KAZN: variants seen among roughly 807,000 people sequenced by gnomAD.
KAZN encodes kazrin.
KAZN carries 40 observed loss-of-function variants against 87.4 expected under a neutral mutation model. That is an observed-to-expected ratio of 0.46 (90% CI 0.36 to 0.60). KAZN has a LOEUF of 0.60. Ranked by LOEUF, KAZN falls within the 20% of genes least tolerant of loss-of-function variation. The pLI is 0.00. For synonymous variants in KAZN, 466 were observed against 458.3 expected (o/e 1.02, Z -0.22); for missense variants, 898 against 1,073.9 (o/e 0.84, Z 2.29).
intron 2 of KAZN, among the ~76,000 whole-genome samples, chr1:14,587,394 C>T (rs1675918678): frequency 6.6e-6 from 1 of 150,964 alleles, no homozygotes. Flanking sequence ...CGAGATTGTG[C>T]CACTGCACTC....
chr1:14,509,630 G>A lies in KAZN; in HGVS notation c.250-89353G>A, dbSNP rs546752665. ...CATTCTCTCATTCACAAATGATTCC[G>A]TGAGCTTGCATCACACGCCAGGCCT... On this transcript the variant is annotated intron_variant, in intron 2 of 16. Coordinates refer to the KAZN transcript ENST00000636203. 5.9e-5 allele frequency among the ~76,000 whole-genome samples: 9 copies of A among 152,256 alleles called. No individual in the cohort carries two copies. In the East Asian group the frequency reaches 9.7e-4, roughly 16 times the overall value.
chr1:14,039,448 G>C (rs1309204743), intron 1 of KAZN, among the ~76,000 whole-genome samples: 3 of 152,134 alleles, frequency 2.0e-5, no homozygotes, highest in African/African-American at 7.2e-5. Context: ...TGGGACTTGG[G>C]GTTAAGTTCT....
intron 1 of KAZN, among the ~76,000 whole-genome samples, chr1:13,898,593 A>C (rs1424360463): frequency 1.3e-5 from 2 of 152,248 alleles, no homozygotes; most frequent in Non-Finnish European, 2.9e-5. Context: ...AGATGAGGAC[A>C]GGAAGGTGAC....
At chr1:13,951,716 G>A (rs1276581466) in intron 1 of KAZN, among the ~76,000 whole-genome samples, 3 of 151,990 alleles carry the variant, frequency 2.0e-5, no homozygotes, top group Non-Finnish European at 4.4e-5. Flanking sequence ...GAAACAGAAT[G>A]GCCAGCACAG....
intron 1 of KAZN, among the ~76,000 whole-genome samples, chr1:14,677,065 T>A (rs140701787): frequency 6.6e-6 from 1 of 152,330 alleles, no homozygotes; most frequent in African/African-American, 2.4e-5. Context: ...CTTCATATTC[T>A]AGCATTTATT....
intron 1 of KAZN, among the ~76,000 whole-genome samples, chr1:14,655,313 A>G (rs1224733770): frequency 6.6e-6 from 1 of 152,200 alleles, no homozygotes; most frequent in Non-Finnish European, 1.5e-5. Context: ...CTGTCCACCA[A>G]CAGACCACAG....
rs368623218 is a variant in KAZN at position 15,012,045 on chromosome 1, C to T, written c.419-22704C>T. On this transcript the variant is annotated intron_variant, in intron 2 of 14. Coordinates refer to ENST00000376030, the MANE Select transcript of KAZN (RefSeq NM_201628.3). ...TAGCTGCTGCTAGTAATAATGGCAG[C>T]TAACACCATGGGCACTCTTGCAGGT... Among the ~76,000 whole-genome samples, 4 of 152,172 alleles carry T rather than the reference C, an allele frequency of 2.6e-5. No homozygotes were observed. In the East Asian group the frequency reaches 7.7e-4, roughly 29 times the overall value.
In KAZN at chr1:14,340,888, C is replaced by CTTTTTTTT. The variant is rs3085672; in HGVS notation, c.249+160306_249+160313dup. ...ATCTCCGTAAGGGTCATGATTTTCCCTTTTTTTTTTTTTTTTTGAGATGGA... is the reference window on the plus strand; with the variant it reads ...ATCTCCGTAAGGGTCATGATTTTCCCTTTTTTTTTTTTTTTTTTTTTTTTTGAGATGGA... On this transcript the variant is annotated intron_variant, in intron 2 of 16. Transcript: ENST00000636203. 1.7e-3 allele frequency among the ~76,000 whole-genome samples: 171 copies of CTTTTTTTT among 103,146 alleles called. 40 individuals carry two copies. Among genetic ancestry groups the CTTTTTTTT allele is most frequent in the East Asian group, 2.4e-3 (8 of 3,290 alleles). 67.7% of individuals were successfully genotyped at this position (103,146 alleles called of 152,430 possible).
At chr1:14,677,129 G>T (rs545599086) in intron 1 of KAZN, among the ~76,000 whole-genome samples, 1 of 152,152 alleles carries the variant, frequency 6.6e-6, no homozygotes, top group East Asian at 1.9e-4. Flanking sequence ...ACCTCTCTTT[G>T]TGTCATCTTT....
chr1:14,578,629 T>C (rs948217951), intron 2 of KAZN, among the ~76,000 whole-genome samples: 1 of 152,144 alleles, frequency 6.6e-6, no homozygotes, highest in Non-Finnish European at 1.5e-5. Flanking sequence ...AGGGTAGATT[T>C]ATGTCAGCCA....
rs1177114753 is a variant in KAZN at position 14,718,190 on chromosome 1, T to G, written c.226+118967T>G. Among the ~76,000 whole-genome samples, 4 of 152,238 alleles carry G rather than the reference T, an allele frequency of 2.6e-5. No homozygotes were observed. The East Asian group carries it at 7.7e-4, about 29-fold the overall frequency. On this transcript the variant is annotated intron_variant, in intron 1 of 14. Transcript: ENST00000376030. ...CTCTTCCAGCTGTTTGCACCACCAC[T>G]TCAAATGGTTGATTCTGTTGCTCTG...
At chr1:15,062,263 G>T (rs528790841) in intron 6 of KAZN, 5 of 152,578 alleles carry the variant, frequency 3.3e-5, no homozygotes, top group African/African-American at 1.2e-4. Context: ...GCATACAGGC[G>T]TTTCAGTGAG....
At chr1:14,038,985 GA>G (rs1468049086) in intron 1 of KAZN, among the ~76,000 whole-genome samples, 5 of 152,012 alleles carry the variant, frequency 3.3e-5, no homozygotes, top group African/African-American at 1.2e-4. Context: ...CCAACAAGGT[GA>G]AATGCCATTT....
intron 2 of KAZN, among the ~76,000 whole-genome samples, chr1:14,560,818 C>T (rs571208969): frequency 6.6e-6 from 1 of 152,294 alleles, no homozygotes; most frequent in African/African-American, 2.4e-5. Context: ...AGTTTCCATA[C>T]TGGATTCGGC....
chr1:14,220,218 C>T (rs1647064098), intron 2 of KAZN, among the ~76,000 whole-genome samples: 1 of 152,134 alleles, frequency 6.6e-6, no homozygotes, highest in African/African-American at 2.4e-5. Flanking sequence ...GTAGGAGCTC[C>T]AGACATGTAT....
At chr1:14,906,171 AT>A (rs1656537722) in intron 1 of KAZN, among the ~76,000 whole-genome samples, 1 of 130,848 alleles carries the variant, frequency 7.6e-6, no homozygotes, top group African/African-American at 3.0e-5. Context: ...ATCTCAAAAA[AT>A]ATATTATAAT....
intron 1 of KAZN, among the ~76,000 whole-genome samples, chr1:14,117,510 T>G (rs1370461101): frequency 6.6e-6 from 1 of 152,138 alleles, no homozygotes; most frequent in Non-Finnish European, 1.5e-5. Context: ...GTCTCAAGTA[T>G]GTCTTTATCA....
chr1:14,026,264 G>A (rs1216588917), intron 1 of KAZN, among the ~76,000 whole-genome samples: 3 of 152,124 alleles, frequency 2.0e-5, no homozygotes, highest in Non-Finnish European at 4.4e-5. Context: ...CCCGAGGGCT[G>A]GCAACAGTGA....
Position 14,709,427 on chromosome 1 carries a change from G to T in KAZN, c.226+110204G>T, listed in dbSNP as rs1467180388. 3.9e-5 allele frequency among the ~76,000 whole-genome samples: 6 copies of T among 152,308 alleles called. No individual in the cohort carries two copies. The South Asian group carries it at 6.2e-4, about 16-fold the overall frequency. ...TGAGTCTCGGTCAAGAAAAACTTAA[G>T]ACTGAAAATTCCAATGAGGCAGCTC... On this transcript the variant is annotated intron_variant, in intron 1 of 14. Transcript: ENST00000376030.
Sources: gnomAD v4.1 joint callset for allele counts (sites outside exome capture counted in the v4.1 genomes callset) on GRCh38, gnomAD v4.1.1 for gene constraint, MANE v1.5 for transcripts, NCBI Gene and HGNC (gene_info 2026-07-23, HGNC 2026-07-21) for gene names.